The following ADAM23 variants were observed in gnomAD, a reference collection of about 807,000 sequenced individuals.
ADAM23 encodes the protein disintegrin and metalloproteinase domain-containing protein 23.
In ADAM23, 33 loss-of-function variants were observed where a neutral mutation model predicts 120.1. The ratio of observed to expected loss-of-function variants is 0.27; its 90% CI spans 0.21 to 0.37. The LOEUF is 0.37. ADAM23 is among the 10% of genes least tolerant of loss of function. ADAM23 has a pLI of 1.00. For synonymous variants in ADAM23, 367 were observed against 375.2 expected (o/e 0.98, Z 0.25); for missense variants, 862 against 1,058.2 (o/e 0.81, Z 2.57).
At chr2:206,479,961 A>G (rs1473469498) in intron 2 of ADAM23, among the ~76,000 whole-genome samples, 1 of 152,158 alleles carries the variant, frequency 6.6e-6, no homozygotes, top group Admixed American at 6.5e-5. Flanking sequence ...TGGGTTTGGT[A>G]TGGCAAAAAG....
chr2:206,475,502 A>G (rs1327082793), intron 2 of ADAM23, among the ~76,000 whole-genome samples: 2 of 151,776 alleles, frequency 1.3e-5, no homozygotes, highest in Non-Finnish European at 2.9e-5. Context: ...ACTTATTTCA[A>G]TTTAAAGTTG....
chr2:206,495,141 A>G (rs547139576), intron 3 of ADAM23, among the ~76,000 whole-genome samples: 30 of 152,310 alleles, frequency 2.0e-4, no homozygotes, highest in African/African-American at 6.7e-4. Context: ...TTCAGGAAAA[A>G]TAGAGAACGC....
chr2:206,503,044 A>G (rs1372867317), intron 3 of ADAM23, among the ~76,000 whole-genome samples: 1 of 152,180 alleles, frequency 6.6e-6, no homozygotes, highest in Non-Finnish European at 1.5e-5. Context: ...CATTGGCTGT[A>G]TAGGCCAATG....
intron 8 of ADAM23, among the ~76,000 whole-genome samples, 182 bp from the exon 9 acceptor site, chr2:206,549,913 A>G (rs994177120): frequency 6.6e-6 from 1 of 152,164 alleles, no homozygotes. Context: ...ATACTTGAAT[A>G]TGTACCCATA....
intron 9 of ADAM23, among the ~76,000 whole-genome samples, chr2:206,556,746 T>A (rs1436026887): frequency 6.6e-6 from 1 of 152,192 alleles, no homozygotes; most frequent in East Asian, 1.9e-4. Flanking sequence ...CTTTTTGTCT[T>A]CTCTTTGTTT....
At chr2:206,486,917 G>A (rs1194411187) in intron 3 of ADAM23, among the ~76,000 whole-genome samples, 3 of 152,196 alleles carry the variant, frequency 2.0e-5, no homozygotes, top group Non-Finnish European at 4.4e-5. Context: ...CCTGGTGACC[G>A]CTAATCTACA....
intron 18 of ADAM23, among the ~76,000 whole-genome samples, chr2:206,576,248 T>A (rs1698109666): frequency 7.4e-6 from 1 of 135,792 alleles, no homozygotes; most frequent in Non-Finnish European, 1.6e-5. Context: ...TACTACTGTT[T>A]TTATGTTTAC....
chr2:206,573,031 G>A (rs1436055524), intron 17 of ADAM23, 84 bp from the exon 18 acceptor site: 4 of 1,300,512 alleles, frequency 3.1e-6, no homozygotes, highest in Non-Finnish European at 3.4e-6. Flanking sequence ...GAGAGTATAG[G>A]CATTGTCGGT....
intron 24 of ADAM23, 48 bp downstream of exon 24, chr2:206,596,210 A>G (rs764298751): frequency 1.4e-6 from 2 of 1,409,526 alleles, no homozygotes; most frequent in Non-Finnish European, 1.0e-6. Flanking sequence ...ATTCGTTGAC[A>G]CTGTTCCAAT....
rs376168495 is a variant in ADAM23, at chr2:206,561,094, C to T, written c.1170-34C>T. ...GAGAGTATGAAATGATGGTCCACCA[C>T]GTTGGTTTTCTGATAGCACTGCTTT... is the stretch of plus-strand genomic sequence containing the variant. On this transcript the variant is annotated intron_variant, in intron 11 of 25. Coordinates refer to ENST00000264377, the MANE Select transcript of ADAM23 (RefSeq NM_003812.4). The T allele has an allele frequency of 2.7e-5, 43 of 1,587,796 alleles. No individual in the cohort carries two copies. In the East Asian group the frequency reaches 5.8e-4, roughly 21 times the overall value.
Position 206,444,008 on chromosome 2 carries a change from C to G in ADAM23, c.142C>G (p.Leu48Val). 8 of 1,409,154 alleles carry G rather than the reference C, an allele frequency of 5.7e-6. No individual in the cohort carries two copies. The highest frequency in any genetic ancestry group is 7.4e-6 in the Non-Finnish European group (8 of 1,077,920). 87.3% of individuals were successfully genotyped at this position (1,409,154 alleles called of 1,614,324 possible). The change falls in exon 1 of 26, where the codon CTC (leucine) becomes GTC (valine). Residue 48 changes from leucine (L) to valine (V), a missense_variant. By Grantham distance (32) the Leu-to-Val change is conservative. Transcript: ENST00000264377. ...CCGCACGCCGCCCTGCCGCCTGCTT[C>G]TCGTCCTTCTCCTGCTGCCTCCGCT... is the stretch of plus-strand genomic sequence containing the variant. ...PARTPPCRLL[L>V]VLLLLPPLAA...
chr2:206,498,119 ATGACT>A (rs1696297576), intron 3 of ADAM23, among the ~76,000 whole-genome samples: 2 of 152,122 alleles, frequency 1.3e-5, no homozygotes, highest in African/African-American at 2.4e-5. Flanking sequence ...CAAGCTACCA[ATGACT>A]TTCTTCACAG....
At chr2:206,471,580 C>T (rs1320866102) in intron 2 of ADAM23, among the ~76,000 whole-genome samples, 1 of 152,094 alleles carries the variant, frequency 6.6e-6, no homozygotes, top group African/African-American at 2.4e-5. Context: ...TGGTGTCTTG[C>T]TTTCCAAAAC....
At chr2:206,489,335 A>C (rs181089353) in intron 3 of ADAM23, among the ~76,000 whole-genome samples, 6 of 152,276 alleles carry the variant, frequency 3.9e-5, no homozygotes, top group African/African-American at 1.4e-4. Context: ...TCTCTTACAC[A>C]TCTGAGAGAG....
intron 1 of ADAM23, among the ~76,000 whole-genome samples, chr2:206,444,327 G>GCC (rs1695030106): frequency 6.6e-6 from 1 of 152,214 alleles, no homozygotes; most frequent in Non-Finnish European, 1.5e-5. Context: ...GAGGTGTTTA[G>GCC]TGGATCCTGG....
intron 25 of ADAM23, among the ~76,000 whole-genome samples, chr2:206,615,694 G>A (rs1466385686): frequency 6.6e-6 from 1 of 152,138 alleles, no homozygotes; most frequent in Admixed American, 6.5e-5. Flanking sequence ...CTGCAGGATG[G>A]CTCAGCCTCT....
intron 3 of ADAM23, among the ~76,000 whole-genome samples, chr2:206,498,827 A>G (rs1325381760): frequency 1.3e-5 from 2 of 152,216 alleles, no homozygotes; most frequent in Non-Finnish European, 1.5e-5. Flanking sequence ...CCCATCAAAA[A>G]GTGGGTGAAG....
intron 3 of ADAM23, among the ~76,000 whole-genome samples, chr2:206,520,684 G>T (rs1039954899): frequency 6.6e-6 from 1 of 152,078 alleles, no homozygotes; most frequent in African/African-American, 2.4e-5. Flanking sequence ...TTACTTTGCT[G>T]ATGGCTCTAA....
chr2:206,463,870 C>T (rs1177123137), intron 2 of ADAM23, among the ~76,000 whole-genome samples: 1 of 152,252 alleles, frequency 6.6e-6, no homozygotes, highest in Non-Finnish European at 1.5e-5. Flanking sequence ...TCAGAGGCTA[C>T]ATAGAGACCT....
Sources: gnomAD v4.1 joint callset for allele counts (sites outside exome capture counted in the v4.1 genomes callset) on GRCh38, gnomAD v4.1.1 for gene constraint, MANE v1.5 for transcripts, NCBI Gene and HGNC (gene_info 2026-07-23, HGNC 2026-07-21) for gene names.